The following TXNDC2 variants were observed in gnomAD, a reference collection of about 807,000 sequenced individuals.
The protein encoded by TXNDC2 is thioredoxin domain containing 2, also known as thioredoxin domain-containing protein 2.
TXNDC2 carries 1 observed loss-of-function variant against 0.4 expected under a neutral mutation model. The ratio of observed to expected loss-of-function variants is 2.30; its 90% CI spans 0.82 to 10.89. The LOEUF (loss-of-function observed/expected upper bound fraction) is 10.89, where lower values mean the gene tolerates loss of function less well. TXNDC2 is among the 30% of genes most tolerant of loss of function. TXNDC2 has a pLI of 0.12. For missense variants in TXNDC2, 509 were observed against 579.8 expected (o/e 0.88, Z 1.25); for synonymous variants, 183 against 224.6 (o/e 0.81, Z 1.66).
intron 1 of TXNDC2, 110 bp from the exon 2 acceptor site, chr18:9,886,479 G>T: frequency 9.4e-7 from 1 of 1,064,288 alleles, no homozygotes; most frequent in Non-Finnish European, 1.3e-6. Context: ...TCGTGATCTC[G>T]AAGAGTGACA....
chr18:9,886,406 C>T lies in TXNDC2; in HGVS notation c.-92-183C>T, dbSNP rs2068949454. 13 of 989,478 alleles carry T rather than the reference C, an allele frequency of 1.3e-5. No individual in the cohort carries two copies. In the South Asian group the frequency reaches 1.7e-4, roughly 13 times the overall value. The allele number at this position is 989,478 out of a possible 1,614,324, so 61.3% of individuals were successfully genotyped here. ...TGTATACAGAAGATACGTGTAACCA[C>T]ACGCTGTTTGTCCTTCTGCTGAATG... On this transcript the variant is annotated intron_variant, in intron 1 of 1. Coordinates refer to ENST00000357775, the MANE Select transcript of TXNDC2 (RefSeq NM_032243.6).
At position 9,886,811 on chromosome 18, in the gene TXNDC2, C is replaced by T; in HGVS notation, c.131C>T (p.Thr44Ile). The T allele has an allele frequency of 6.2e-7, 1 of 1,613,874 alleles. No individual in the cohort carries two copies. The highest frequency in any genetic ancestry group is 8.5e-7 in the Non-Finnish European group (1 of 1,179,856). The part of the protein sequence containing the change: ...QDDSPKSSEE[T>I]IQPKEGDIPK... ...GACAGCCCCAAGTCCTCAGAAGAAA[C>T]CATCCAGCCCAAGGAGGGTGACATC... is the stretch of plus-strand genomic sequence containing the variant. Residue 44 changes from threonine to isoleucine, a missense_variant, in exon 2 of 2, where the codon ACC (threonine) becomes ATC (isoleucine). Transcript: ENST00000357775.
At position 9,887,989 on chromosome 18, in the gene TXNDC2, G is replaced by A; in HGVS notation, c.1309G>A (p.Glu437Lys). 1 of 1,614,216 alleles carries A rather than the reference G, an allele frequency of 6.2e-7. No homozygotes were observed. The highest frequency in any genetic ancestry group is 8.5e-7 in the Non-Finnish European group (1 of 1,180,044). Residue 437 changes from glutamate to lysine, a missense_variant, in exon 2 of 2, where the codon GAG (glutamate) becomes AAG (lysine). Coordinates refer to ENST00000357775, the MANE Select transcript of TXNDC2 (RefSeq NM_032243.6). ...GAAGCATGAGGATGTGGTGTTCCTG[G>A]AGGTGGACGCTGACAACTGTGAGGA... ...SVKHEDVVFLEVDADNCEEVV... is the reference protein window; with the variant it reads ...SVKHEDVVFLKVDADNCEEVV...
rs371754432 is a variant in TXNDC2, at chr18:9,886,694, C to T, written c.14C>T (p.Thr5Met). 9.3e-6 allele frequency: 15 copies of T among 1,614,012 alleles called. No individual in the cohort carries two copies. The highest frequency in any genetic ancestry group is 8.3e-5 in the Admixed American group (5 of 59,988). ...GCCTTTCTCCCCATGGTCAGCCACA[C>T]GTTCCACATGCGCACAGAGGAGTCT... MVSH[T>M]FHMRTEESDA... The change falls in exon 2 of 2, where the codon ACG (threonine) becomes ATG (methionine). Residue 5 changes from threonine (T) to methionine (M), a missense_variant. By Grantham distance (81) the Thr-to-Met change is moderately conservative (BLOSUM62 -1). This residue lies in a region of TXNDC2 where 187 missense variants were observed against 218.0 expected (regional missense o/e 0.86). Coordinates refer to ENST00000357775, the MANE Select transcript of TXNDC2 (RefSeq NM_032243.6).
Position 9,886,068 on chromosome 18 carries a change from G to C in TXNDC2, c.-105G>C. The C allele has an allele frequency of 1.2e-6, 1 of 863,992 alleles. No individual in the cohort carries two copies. The highest frequency in any genetic ancestry group is 1.8e-6 in the Non-Finnish European group (1 of 544,762). 53.5% of individuals were successfully genotyped at this position (863,992 alleles called of 1,614,324 possible). A position where few individuals can be genotyped will look rare whatever the true frequency, so the allele number is the denominator to read the frequency against. The stretch of plus-strand genomic sequence containing the variant: ...ACAGAGAGGGAAAACCAACTGTAAC[G>C]TGCCACCCAAATGTAAGTTTTACTC... On this transcript the variant is annotated 5_prime_UTR_variant, in exon 1 of 2. Transcript: ENST00000357775.
rs767935601 is a variant in TXNDC2 at position 9,886,919 on chromosome 18, G to A, written c.239G>A (p.Ser80Asn). The change falls in exon 2 of 2, where the codon AGT (serine) becomes AAT (asparagine). Residue 80 changes from serine to asparagine, a missense_variant. Coordinates refer to ENST00000357775, the MANE Select transcript of TXNDC2 (RefSeq NM_032243.6). ...SSEKAIQPKE[S>N]NIPKSSAKPI... ...GAAAAAGCCATCCAGCCCAAAGAGA[G>A]TAACATCCCCAAGTCCTCAGCAAAA... 5 of 1,607,378 alleles carry A rather than the reference G, an allele frequency of 3.1e-6. No homozygotes were observed. The East Asian group carries it at 8.9e-5, about 29-fold the overall frequency.
In TXNDC2 at chr18:9,887,931, G is replaced by A. The variant is rs773674881; in HGVS notation, c.1251G>A (p.Arg417=). 1.2e-6 allele frequency: 2 copies of A among 1,614,098 alleles called. No individual in the cohort carries two copies. The highest frequency in any genetic ancestry group is 8.5e-7 in the Non-Finnish European group (1 of 1,180,034). ...DFSATWCGPC[R]TIRPFFHALS... The stretch of plus-strand genomic sequence containing the variant: ...CGGCCACGTGGTGTGGGCCCTGCAG[G>A]ACCATCAGACCATTCTTCCATGCCC... The change falls in exon 2 of 2, where the codon AGG becomes AGA. Residue 417 remains arginine (R), a synonymous_variant. Coordinates refer to ENST00000357775, the MANE Select transcript of TXNDC2 (RefSeq NM_032243.6).
In TXNDC2 at chr18:9,886,849, G is replaced by A. The variant is rs2068953912; in HGVS notation, c.169G>A (p.Glu57Lys). 6.2e-7 allele frequency: 1 copy of A among 1,610,674 alleles called. No individual in the cohort carries two copies. The highest frequency in any genetic ancestry group is 1.7e-5 in the Admixed American group (1 of 59,528). The change falls in exon 2 of 2, where the codon GAA becomes AAA. Residue 57 changes from glutamate to lysine, a missense_variant. Around this residue, in one of 5 missense-constraint regions of TXNDC2, gnomAD observed 187 missense variants for 218.0 expected, o/e 0.86. Coordinates refer to ENST00000357775, the MANE Select transcript of TXNDC2 (RefSeq NM_032243.6). The part of the protein sequence containing the change: ...PKEGDIPKAP[E>K]ETIQSKKEDL... ...GGAGGGTGACATCCCCAAGGCCCCAGAAGAAACCATCCAATCCAAGAAGGA... is the reference window on the plus strand; with the variant it reads ...GGAGGGTGACATCCCCAAGGCCCCAAAAGAAACCATCCAATCCAAGAAGGA...
At position 9,887,227 on chromosome 18, in the gene TXNDC2, A is replaced by G. The variant is rs754843465; in HGVS notation, c.547A>G (p.Lys183Glu). ...PKSPEETIQP[K>E]EGDIPKSSAK... is the part of the protein sequence containing the mutation. ...GTCCCCAGAAGAAACCATCCAGCCC[A>G]AGGAGGGTGACATCCCCAAGTCCTC... is the stretch of plus-strand genomic sequence containing the variant. Residue 183 changes from lysine (K) to glutamate (E), a missense_variant, in exon 2 of 2, where the codon AAG becomes GAG. Physicochemically the swap from Lys to Glu is moderately conservative, Grantham distance 56 (BLOSUM62 1). Coordinates refer to ENST00000357775, the MANE Select transcript of TXNDC2 (RefSeq NM_032243.6). 1 of 1,584,770 alleles carries G rather than the reference A, an allele frequency of 6.3e-7. No individual in the cohort carries two copies. Among genetic ancestry groups the G allele is most frequent in the Non-Finnish European group, 8.6e-7 (1 of 1,162,392 alleles).
At position 9,887,537 on chromosome 18, in the gene TXNDC2, A is replaced by G; in HGVS notation, c.857A>G (p.Gln286Arg). ...CCCAAGTCCCCAGAAGAAACCATCC[A>G]GCCCAAGAAGGGTGACATCCCCAAG... ...DIPKSPEETI[Q>R]PKKGDIPKSP... Residue 286 changes from glutamine to arginine, a missense_variant, in exon 2 of 2, where the codon CAG (glutamine) becomes CGG (arginine). Coordinates refer to ENST00000357775, the MANE Select transcript of TXNDC2 (RefSeq NM_032243.6). 6.5e-7 allele frequency: 1 copy of G among 1,539,480 alleles called. No individual in the cohort carries two copies. The highest frequency in any genetic ancestry group is 8.8e-7 in the Non-Finnish European group (1 of 1,135,866).
At chr18:9,886,390 A>G (rs1326658607) in intron 1 of TXNDC2, 199 bp from the exon 2 acceptor site, 9 of 1,071,560 alleles carry the variant, frequency 8.4e-6, no homozygotes, top group Non-Finnish European at 1.1e-5. Context: ...ATGTATACAG[A>G]AGATACGTGT....
Position 9,888,875 on chromosome 18 carries a change from T to C in TXNDC2, c.*734T>C, listed in dbSNP as rs2068977617. ...GTTCCTGGTTCGTCTCCCTGGTAATTGAGTTCATAATACCTAGACCTTCCT... is the reference window on the plus strand; with the variant it reads ...GTTCCTGGTTCGTCTCCCTGGTAATCGAGTTCATAATACCTAGACCTTCCT... On this transcript the variant is annotated 3_prime_UTR_variant, in exon 2 of 2. Transcript: ENST00000357775. 1 of 152,200 alleles carries C rather than the reference T, an allele frequency of 6.6e-6. No homozygotes were observed. The highest frequency in any genetic ancestry group is 2.1e-4 in the South Asian group (1 of 4,824). The allele number at this position is 152,200 out of a possible 1,614,324, so 9.4% of individuals were successfully genotyped here. A position where few individuals can be genotyped will look rare whatever the true frequency, so the allele number is the denominator to read the frequency against.
Position 9,886,020 on chromosome 18 carries a change from T to C in TXNDC2, c.-153T>C. The C allele has an allele frequency of 1.6e-6, 1 of 616,544 alleles. No homozygotes were observed. The allele number at this position is 616,544 out of a possible 1,614,324, so 38.2% of individuals were successfully genotyped here. ...CAGCACAGGGGAGCCACCTTGAAGC[T>C]CTCAAATATCACTGTTGTGAATACA... On this transcript the variant is annotated 5_prime_UTR_variant, in exon 1 of 2. Coordinates refer to ENST00000357775, the MANE Select transcript of TXNDC2 (RefSeq NM_032243.6).
Position 9,888,527 on chromosome 18 carries a change from CT to C in TXNDC2, c.*390del, listed in dbSNP as rs1567883828. 6.0e-6 allele frequency: 1 copy of C among 167,468 alleles called. No individual in the cohort carries two copies. Among genetic ancestry groups the C allele is most frequent in the Non-Finnish European group, 1.3e-5 (1 of 78,040 alleles). 10.4% of individuals were successfully genotyped at this position (167,468 alleles called of 1,614,324 possible). A position where few individuals can be genotyped will look rare whatever the true frequency, so the allele number is the denominator to read the frequency against. ...ATGACTGAAAGGTGAATGGAAACTT[CT>C]TTTCTCATGTCACACATCTTTGGGG... is the stretch of plus-strand genomic sequence containing the variant. On this transcript the variant is annotated 3_prime_UTR_variant, in exon 2 of 2. Transcript: ENST00000357775.
Position 9,887,327 on chromosome 18 carries a change from A to G in TXNDC2, c.647A>G (p.Asp216Gly), listed in dbSNP as rs373663511. ...AAGCCCAGCCAGCCCAAGGAGGGTG[A>G]CATCTCCAAGTCCCCAGAAGAAGCC... ...SVKPSQPKEG[D>G]ISKSPEEAIQ... Residue 216 changes from aspartate to glycine, a missense_variant, in exon 2 of 2, where the codon GAC becomes GGC. By Grantham distance (94) the Asp-to-Gly change is moderately conservative (BLOSUM62 -1). Transcript: ENST00000357775. 6.9e-6 allele frequency: 11 copies of G among 1,593,670 alleles called. No homozygotes were observed. Among genetic ancestry groups the G allele is most frequent in the African/African-American group, 6.8e-5 (5 of 73,422 alleles).
chr18:9,886,736 G>C lies in TXNDC2; in HGVS notation c.56G>C (p.Gly19Ala), dbSNP rs770835726. The change falls in exon 2 of 2, where the codon GGC (glycine) becomes GCC (alanine). Residue 19 changes from glycine (G) to alanine (A), a missense_variant. Gly to Ala is a moderately conservative substitution (Grantham distance 60, BLOSUM62 0). Around this residue, in one of 5 missense-constraint regions of TXNDC2, gnomAD observed 187 missense variants for 218.0 expected, o/e 0.86. Coordinates refer to ENST00000357775, the MANE Select transcript of TXNDC2 (RefSeq NM_032243.6). ...RTEESDASQE[G>A]DDLPKSSANT... is the part of the protein sequence containing the mutation. ...GAGGAGTCTGATGCCTCACAGGAGGGCGATGACCTACCCAAGTCCTCAGCA... is the reference window on the plus strand; with the variant it reads ...GAGGAGTCTGATGCCTCACAGGAGGCCGATGACCTACCCAAGTCCTCAGCA... 1.7e-5 allele frequency: 28 copies of C among 1,613,908 alleles called. No homozygotes were observed. The highest frequency in any genetic ancestry group is 2.2e-5 in the Non-Finnish European group (26 of 1,180,012).
In TXNDC2 at chr18:9,888,079, G is replaced by A; in HGVS notation, c.1399G>A (p.Val467Met). Reference sequence around the variant, plus strand: ...TCAGTTTTATAAAAAAGAAGAAAAGGTGGATGAACTTTGCGGCGCCCTTAA... The same window carrying A: ...TCAGTTTTATAAAAAAGAAGAAAAGATGGATGAACTTTGCGGCGCCCTTAA... ...TFQFYKKEEK[V>M]DELCGALKEK... The change falls in exon 2 of 2, where the codon GTG (valine) becomes ATG (methionine). Residue 467 changes from valine (V) to methionine (M), a missense_variant. By Grantham distance (21) the Val-to-Met change is conservative. Around this residue, in one of 5 missense-constraint regions of TXNDC2, gnomAD observed 229 missense variants for 243.8 expected, o/e 0.94. Coordinates refer to ENST00000357775, the MANE Select transcript of TXNDC2 (RefSeq NM_032243.6). 6.2e-7 allele frequency: 1 copy of A among 1,614,158 alleles called. No homozygotes were observed. Among genetic ancestry groups the A allele is most frequent in the Non-Finnish European group, 8.5e-7 (1 of 1,180,002 alleles).
rs771734127 is a variant in TXNDC2 at position 9,887,084 on chromosome 18, T to A, written c.404T>A (p.Ile135Asn). ...EDLPKSSEEA[I>N]QPKEGDIPKS... ...CTCCCCAAGTCCTCAGAAGAAGCCA[T>A]CCAGCCCAAAGAGGGTGACATCCCC... Residue 135 changes from isoleucine to asparagine, a missense_variant, in exon 2 of 2, where the codon ATC (isoleucine) becomes AAC (asparagine). By Grantham distance (149) the Ile-to-Asn change is moderately radical. This residue lies in a region of TXNDC2 where 187 missense variants were observed against 218.0 expected (regional missense o/e 0.86). Transcript: ENST00000357775. The A allele has an allele frequency of 1.9e-6, 3 of 1,608,668 alleles. No individual in the cohort carries two copies. Among genetic ancestry groups the A allele is most frequent in the Admixed American group, 1.7e-5 (1 of 59,500 alleles).
At chr18:9,886,218 G>C in intron 1 of TXNDC2, 138 bp downstream of exon 1, 1 of 1,614,136 alleles carries the variant, frequency 6.2e-7, no homozygotes, top group Non-Finnish European at 8.5e-7. Flanking sequence ...GTTAAAGCTG[G>C]AGCCTCTGGA....
Sources: gnomAD v4.1 joint callset for allele counts on GRCh38, gnomAD v4.1.1 for gene constraint, gnomAD v4.1.1 regional missense constraint, MANE v1.5 for transcripts, NCBI Gene and HGNC (gene_info 2026-07-23, HGNC 2026-07-21) for gene names.